Variants in MICAL2 observed in about 807,000 individuals in gnomAD.
MICAL2 encodes [F-actin]-monooxygenase MICAL2.
In MICAL2, 77 loss-of-function variants were observed where a neutral mutation model predicts 127.3. The ratio of observed to expected loss-of-function variants is 0.60; its 90% CI spans 0.50 to 0.73. The LOEUF is 0.73. Ranked by LOEUF, MICAL2 falls within the 30% of genes least tolerant of loss-of-function variation. MICAL2 has a pLI of 0.00. For missense variants in MICAL2, 1,351 were observed against 1,434.4 expected (o/e 0.94, Z 0.94); for synonymous variants, 570 against 551.1 (o/e 1.03, Z -0.48).
intron 3 of MICAL2, among the ~76,000 whole-genome samples, chr11:12,163,250 G>A (rs1257925044): frequency 6.6e-6 from 1 of 152,202 alleles, no homozygotes; most frequent in African/African-American, 2.4e-5. Flanking sequence ...GGGAGTCCAG[G>A]CGTCTCAGCT....
intron 1 of MICAL2, among the ~76,000 whole-genome samples, chr11:12,123,662 G>A (rs1398634789): frequency 1.3e-5 from 2 of 152,190 alleles, no homozygotes; most frequent in Non-Finnish European, 2.9e-5. Context: ...GTTTCAGGGG[G>A]TTTTAAGACA....
Position 12,349,870 on chromosome 11 carries a change from C to T in MICAL2, c.5548C>T (p.Gln1850Ter). The T allele has an allele frequency of 6.2e-7, 1 of 1,614,082 alleles. No individual in the cohort carries two copies. The highest frequency in any genetic ancestry group is 8.5e-7 in the Non-Finnish European group (1 of 1,179,982). ...CACACAGGATGAAGCACAGCTTTTGCAGGAATGGTTTAAGCTGGTTCTGGA... is the reference window on the plus strand; with the variant it reads ...CACACAGGATGAAGCACAGCTTTTGTAGGAATGGTTTAAGCTGGTTCTGGA... Residue 1850 changes from glutamine (Q) to a stop codon, truncating the protein, a stop_gained, in exon 33 of 35, where the codon CAG becomes TAG. Coordinates refer to the MICAL2 transcript ENST00000646065. LOFTEE classifies it high-confidence loss of function.
At chr11:12,200,732 A>G (rs1446607046) in intron 3 of MICAL2, among the ~76,000 whole-genome samples, 1 of 152,184 alleles carries the variant, frequency 6.6e-6, no homozygotes, top group East Asian at 1.9e-4. Flanking sequence ...AGCTTTCGCC[A>G]ATGGGATTTT....
Position 12,256,880 on chromosome 11 carries a change from C to T in MICAL2, c.3051C>T (p.Ala1017=), listed in dbSNP as rs772312613. 23 of 1,614,092 alleles carry T rather than the reference C, an allele frequency of 1.4e-5. No individual in the cohort carries two copies. Among genetic ancestry groups the T allele is most frequent in the Non-Finnish European group, 1.7e-5 (20 of 1,180,042 alleles). ...TGTACGTGATGGAACGGCTGAGCGC[C>T]GAGGGCCACTTCTTCCACCGGGAGT... The part of the protein sequence containing the change: ...KRVYVMERLS[A]EGHFFHRECF... The change falls in exon 24 of 28, where the codon GCC becomes GCT. Residue 1017 remains alanine, a synonymous_variant. Transcript: ENST00000683283.
chr11:12,233,554 C>G (rs1263725073), intron 15 of MICAL2, among the ~76,000 whole-genome samples: 1 of 152,134 alleles, frequency 6.6e-6, no homozygotes, highest in African/African-American at 2.4e-5. Flanking sequence ...TTATCTTGTG[C>G]TGATCAAATA....
intron 2 of MICAL2, among the ~76,000 whole-genome samples, chr11:12,157,698 A>C (rs1224688825): frequency 2.9e-5 from 1 of 34,360 alleles, no homozygotes; most frequent in Non-Finnish European, 1.2e-4. Context: ...ATCCTCTGAT[A>C]AAAAAAAAAA....
intron 2 of MICAL2, among the ~76,000 whole-genome samples, chr11:12,285,875 C>T (rs1020117929): frequency 2.0e-5 from 3 of 152,124 alleles, no homozygotes; most frequent in Admixed American, 6.5e-5. Flanking sequence ...ATCTCCCACA[C>T]CCACATCATG....
At chr11:12,135,211 G>C (rs1851743492) in intron 1 of MICAL2, among the ~76,000 whole-genome samples, 1 of 152,308 alleles carries the variant, frequency 6.6e-6, no homozygotes, top group South Asian at 2.1e-4. Flanking sequence ...GACACAGAGA[G>C]AAGAATACTA....
chr11:12,262,600 C>A, intron 27 of MICAL2, 63 bp downstream of exon 27: 1 of 1,339,278 alleles, frequency 7.5e-7, no homozygotes, highest in South Asian at 1.2e-5. Flanking sequence ...TTTCCGCACC[C>A]CGTCCTCTCC....
intron 15 of MICAL2, among the ~76,000 whole-genome samples, chr11:12,227,980 T>A: frequency 6.6e-6 from 1 of 152,238 alleles, no homozygotes; most frequent in East Asian, 1.9e-4. Flanking sequence ...AGTGCTAACA[T>A]CTCTGTGGGA....
At chr11:12,133,028 T>C (rs1851549355) in intron 1 of MICAL2, among the ~76,000 whole-genome samples, 2 of 152,182 alleles carry the variant, frequency 1.3e-5, no homozygotes, top group Non-Finnish European at 1.5e-5. Flanking sequence ...CAGCATATTT[T>C]GGTTCTTAGT....
rs140407217 is a variant in MICAL2 at position 12,244,720 on chromosome 11, G to A, written c.2784+608G>A. 1.1e-3 allele frequency among the ~76,000 whole-genome samples: 162 copies of A among 152,292 alleles called. 1 individual carries two copies. Among genetic ancestry groups the A allele is most frequent in the African/African-American group, 3.5e-3 (147 of 41,572 alleles). On this transcript the variant is annotated intron_variant, in intron 21 of 27. Transcript: ENST00000683283. The stretch of plus-strand genomic sequence containing the variant: ...GAGAAGTTTAGGGCAAGGGTGTTTT[G>A]GAGAGGGGCTAGCCTGTGCAAAGGC...
downstream of MICAL2, chr11:12,294,805 T>TCCTCCC (rs1167442847): frequency 4.2e-6 from 6 of 1,432,096 alleles, no homozygotes; most frequent in Admixed American, 1.3e-4. Context: ...CAGCTCCTCC[T>TCCTCCC]CCTCCTCCTC....
intron 1 of MICAL2, among the ~76,000 whole-genome samples, chr11:12,127,936 C>T (rs1851082209): frequency 6.6e-6 from 1 of 152,162 alleles, no homozygotes; most frequent in Non-Finnish European, 1.5e-5. Context: ...CCATTTCAGG[C>T]ACGTTTTCAA....
rs949070407 is a variant in MICAL2 at position 12,303,771 on chromosome 11, G to A, written c.5212+8914G>A. ...TAATCTGTATAGATTCTGGATATAAGTCCTTTGTTAGATATAAGAACTTTG... is the reference window on the plus strand; with the variant it reads ...TAATCTGTATAGATTCTGGATATAAATCCTTTGTTAGATATAAGAACTTTG... On this transcript the variant is annotated intron_variant, in intron 29 of 34. Transcript: ENST00000646065. The A allele has an allele frequency of 3.3e-5, 5 of 152,136 alleles. 1 individual carries two copies. The highest frequency in any genetic ancestry group is 1.9e-4 in the East Asian group (1 of 5,194). 9.4% of individuals were successfully genotyped at this position (152,136 alleles called of 1,614,324 possible). A position where few individuals can be genotyped will look rare whatever the true frequency, so the allele number is the denominator to read the frequency against.
chr11:12,338,302 T>G (rs1364855242), intron 32 of MICAL2, among the ~76,000 whole-genome samples: 8 of 152,282 alleles, frequency 5.3e-5, no homozygotes, highest in African/African-American at 1.7e-4. Flanking sequence ...TTCTCCATTT[T>G]CTTGGTAGAT....
chr11:12,318,930 G>A (rs931457130), intron 29 of MICAL2, among the ~76,000 whole-genome samples: 4 of 152,078 alleles, frequency 2.6e-5, no homozygotes, highest in African/African-American at 7.2e-5. Flanking sequence ...CCTCGAATTC[G>A]GCTCTCCCTT....
In MICAL2 at chr11:12,354,498, C is replaced by A. The variant is rs549760357; in HGVS notation, c.5616-286C>A. The stretch of plus-strand genomic sequence containing the variant: ...AAAAAAAAAAAAAAAATTAGCCAGG[C>A]GTGGTGGTGCACGCCTGTAATCCCA... On this transcript the variant is annotated intron_variant, in intron 33 of 34. Coordinates refer to the MICAL2 transcript ENST00000646065. Among the ~76,000 whole-genome samples the A allele has an allele frequency of 5.3e-5, 8 of 150,188 alleles. No individual in the cohort carries two copies. The East Asian group carries it at 1.6e-3, about 29-fold the overall frequency.
At chr11:12,134,370 C>G (rs950792661) in intron 1 of MICAL2, among the ~76,000 whole-genome samples, 2 of 152,118 alleles carry the variant, frequency 1.3e-5, no homozygotes, top group Admixed American at 6.5e-5. Flanking sequence ...TCTTCTTCCC[C>G]TCTCATAATG....
Sources: allele counts gnomAD v4.1 joint callset (sites outside exome capture counted in the v4.1 genomes callset), GRCh38; gene constraint gnomAD v4.1.1; transcripts MANE v1.5; gene names NCBI Gene and HGNC (gene_info 2026-07-23, HGNC 2026-07-21).